TCF4: variants seen among roughly 807,000 people sequenced by gnomAD.
TCF4 encodes the protein transcription factor 4.
Under a neutral mutation model 82.1 loss-of-function variants are expected in TCF4, and 3 were observed. That is an observed-to-expected ratio of 0.04 (90% CI 0.02 to 0.09). TCF4 has a LOEUF of 0.09. TCF4 is among the 10% of genes least tolerant of loss of function. The pLI, the probability that TCF4 is intolerant of heterozygous loss-of-function variation, is 1.00. For missense variants in TCF4, 518 were observed against 852.7 expected (o/e 0.61, Z 4.89); for synonymous variants, 276 against 309.6 (o/e 0.89, Z 1.14).
At chr18:55,361,487 G>A (rs918319325) in intron 6 of TCF4, among the ~76,000 whole-genome samples, 2 of 152,134 alleles carry the variant, frequency 1.3e-5, no homozygotes, top group Admixed American at 6.5e-5. Context: ...TCATACAAAC[G>A]TTTCTCTGCA....
intron 3 of TCF4, among the ~76,000 whole-genome samples, chr18:55,486,720 A>G (rs1433348314): frequency 6.6e-6 from 1 of 151,814 alleles, no homozygotes; most frequent in Non-Finnish European, 1.5e-5. Flanking sequence ...AGCAAAGGGT[A>G]ACGCTTTAAC....
At chr18:55,299,506 A>G (rs1328318031) in intron 8 of TCF4, among the ~76,000 whole-genome samples, 4 of 151,234 alleles carry the variant, frequency 2.6e-5, no homozygotes, top group Non-Finnish European at 5.9e-5. Flanking sequence ...AAAAGAAGGA[A>G]GATGTTAATG....
chr18:55,402,067 T>C (rs2093851640), intron 6 of TCF4: 1 of 985,476 alleles, frequency 1.0e-6, no homozygotes, highest in Non-Finnish European at 1.2e-6. Flanking sequence ...TCCAAAGATG[T>C]TTCCGTTGCG....
chr18:55,331,258 A>C (rs1042609989), intron 8 of TCF4, among the ~76,000 whole-genome samples: 5 of 152,194 alleles, frequency 3.3e-5, no homozygotes, highest in Non-Finnish European at 5.9e-5. Context: ...TAATCACACC[A>C]GATCTGCAGC....
intron 8 of TCF4, among the ~76,000 whole-genome samples, chr18:55,294,539 C>G (rs2065997439): frequency 6.6e-6 from 1 of 152,098 alleles, no homozygotes; most frequent in Non-Finnish European, 1.5e-5. Flanking sequence ...TTCAGAAAAA[C>G]TGTCCTTTGA....
chr18:55,435,913 G>C (rs1158758582), intron 5 of TCF4, among the ~76,000 whole-genome samples: 3 of 152,184 alleles, frequency 2.0e-5, no homozygotes, highest in Non-Finnish European at 4.4e-5. Flanking sequence ...GCAACTCCAA[G>C]TATGTGGTGA....
At chr18:55,481,661 T>C (rs772884995) in intron 3 of TCF4, among the ~76,000 whole-genome samples, 9 of 152,214 alleles carry the variant, frequency 5.9e-5, no homozygotes, top group Non-Finnish European at 1.2e-4. Context: ...AAACCTTTAA[T>C]TTTCTACTCG....
At chr18:55,342,583 C>A (rs2080229836) in intron 8 of TCF4, among the ~76,000 whole-genome samples, 1 of 152,120 alleles carries the variant, frequency 6.6e-6, no homozygotes, top group South Asian at 2.1e-4. Flanking sequence ...TAAACATTCT[C>A]CTAATAAATT....
chr18:55,386,104 T>C (rs746480797), intron 6 of TCF4, among the ~76,000 whole-genome samples: 4 of 152,054 alleles, frequency 2.6e-5, no homozygotes, highest in Non-Finnish European at 5.9e-5. Flanking sequence ...GTCAAACCAG[T>C]ACAGCAGGCC....
chr18:55,591,998 T>C (rs567272022), upstream of TCF4, among the ~76,000 whole-genome samples: 6 of 152,206 alleles, frequency 3.9e-5, no homozygotes, highest in Non-Finnish European at 5.9e-5. Context: ...GTGGGTGTTT[T>C]GTCTTCTTTT....
At chr18:55,302,524 A>C (rs1298035348) in intron 8 of TCF4, 1 of 1,536,002 alleles carries the variant, frequency 6.5e-7, no homozygotes, top group Admixed American at 2.0e-5. Flanking sequence ...CATGGCTGAC[A>C]GCATCAGAAC....
At chr18:55,244,725 A>G (rs545363668) in intron 15 of TCF4, among the ~76,000 whole-genome samples, 1 of 152,274 alleles carries the variant, frequency 6.6e-6, no homozygotes, top group Admixed American at 6.5e-5. Context: ...CAGCTTTTTA[A>G]ACAAATACCA....
chr18:55,347,175 A>G (rs1443800296), intron 8 of TCF4, among the ~76,000 whole-genome samples: 1 of 152,182 alleles, frequency 6.6e-6, no homozygotes, highest in African/African-American at 2.4e-5. Context: ...AAAAGACAAC[A>G]CTTTATTACT....
chr18:55,628,269 CAT>C (rs1411681373), intron 2 of TCF4, among the ~76,000 whole-genome samples: 1 of 152,112 alleles, frequency 6.6e-6, no homozygotes, highest in Non-Finnish European at 1.5e-5. Context: ...GCTGAACTCT[CAT>C]GTGTACATAT....
At chr18:55,473,927 T>A (rs1400256413) in intron 3 of TCF4, among the ~76,000 whole-genome samples, 1 of 152,148 alleles carries the variant, frequency 6.6e-6, no homozygotes, top group East Asian at 1.9e-4. Context: ...CCTATAAAAG[T>A]CTCAAGATAC....
chr18:55,228,851 G>C lies in TCF4; in HGVS notation c.1875C>G (p.Val625=). 6.2e-7 allele frequency: 1 copy of C among 1,614,068 alleles called. No homozygotes were observed. The highest frequency in any genetic ancestry group is 1.1e-5 in the South Asian group (1 of 91,068). ...AGGAGGCTGGCCTGCACTGACCTCGGACTTGCTGCTCCAGACTGAGGATGA... is the reference window on the plus strand; with the variant it reads ...AGGAGGCTGGCCTGCACTGACCTCGCACTTGCTGCTCCAGACTGAGGATGA... ...VAVILSLEQQ[V]RERNLNPKAA... The change falls in exon 18 of 20, where the codon GTC becomes GTG. Residue 625 remains valine, a synonymous_variant. Coordinates refer to ENST00000354452, the MANE Select transcript of TCF4 (RefSeq NM_001083962.2).
intron 5 of TCF4, among the ~76,000 whole-genome samples, chr18:55,418,932 A>G (rs575666194): frequency 6.6e-6 from 1 of 152,310 alleles, no homozygotes; most frequent in East Asian, 1.9e-4. Context: ...ACATACATAC[A>G]TATTTATAAA....
chr18:55,302,189 G>A (rs1276680567), intron 8 of TCF4, among the ~76,000 whole-genome samples: 2 of 152,216 alleles, frequency 1.3e-5, no homozygotes, highest in African/African-American at 4.8e-5. Flanking sequence ...AGGAACATTC[G>A]TAATGACAGT....
intron 8 of TCF4, among the ~76,000 whole-genome samples, chr18:55,280,659 G>A (rs1434184509): frequency 6.6e-6 from 1 of 152,010 alleles, no homozygotes; most frequent in Non-Finnish European, 1.5e-5. Context: ...CCATTTTGAA[G>A]CAGGCAGCGG....
Sources: gnomAD v4.1 joint callset for allele counts (sites outside exome capture counted in the v4.1 genomes callset) on GRCh38, gnomAD v4.1.1 for gene constraint, MANE v1.5 for transcripts, NCBI Gene and HGNC (gene_info 2026-07-23, HGNC 2026-07-21) for gene names.